Variants in RAD51B observed in about 807,000 individuals in gnomAD.
RAD51B encodes DNA repair protein RAD51 homolog 2.
In RAD51B, 38 loss-of-function variants were observed where a neutral mutation model predicts 42.2. The ratio of observed to expected loss-of-function variants is 0.90; its 90% CI spans 0.70 to 1.18. RAD51B has a LOEUF of 1.18. Ranked by LOEUF, RAD51B falls within the 50% of genes most tolerant of loss-of-function variation. RAD51B has a pLI of 0.00. For synonymous variants in RAD51B, 154 were observed against 145.2 expected, an observed-to-expected ratio of 1.06 and a Z score of -0.43; for missense variants, 373 against 400.7, an observed-to-expected ratio of 0.93 and a Z score of 0.59.
intron 9 of RAD51B, among the ~76,000 whole-genome samples, chr14:68,455,540 A>AC (rs2085662094): frequency 6.6e-6 from 1 of 151,812 alleles, no homozygotes; most frequent in Admixed American, 6.6e-5. Context: ...ACATGGTGAG[A>AC]CCCCATCTCT....
chr14:68,170,641 T>C (rs1022625705), intron 7 of RAD51B, among the ~76,000 whole-genome samples: 1 of 152,216 alleles, frequency 6.6e-6, no homozygotes, highest in South Asian at 2.1e-4. Flanking sequence ...TTATATTTTA[T>C]GGTTTTTATA....
At chr14:68,606,096 T>G (rs1015547068) in intron 10 of RAD51B, among the ~76,000 whole-genome samples, 3 of 152,186 alleles carry the variant, frequency 2.0e-5, no homozygotes, top group African/African-American at 7.2e-5. Flanking sequence ...GGAACTCTGG[T>G]GCACTTGGGC....
intron 10 of RAD51B, among the ~76,000 whole-genome samples, chr14:68,494,737 T>C (rs888182530): frequency 2.0e-5 from 3 of 152,140 alleles, no homozygotes; most frequent in Non-Finnish European, 2.9e-5. Flanking sequence ...CCTCGGACTA[T>C]AGCCTCCCAA....
Position 67,864,807 on chromosome 14 carries a change from C to T in RAD51B, c.316-196C>T, listed in dbSNP as rs1458500213. On this transcript the variant is annotated intron_variant, in intron 4 of 10. Transcript: ENST00000471583. ...TCCAAGGATGGTACATAACTAGTGCCAATTCAGATGCAGAGGGGAGAAGTT... is the reference window on the plus strand; with the variant it reads ...TCCAAGGATGGTACATAACTAGTGCTAATTCAGATGCAGAGGGGAGAAGTT... 3 of 872,582 alleles carry T rather than the reference C, an allele frequency of 3.4e-6. No homozygotes were observed. The Admixed American group carries it at 6.1e-5, about 18-fold the overall frequency. The allele number at this position is 872,582 out of a possible 1,614,324, so 54.1% of individuals were successfully genotyped here.
Position 67,964,670 on chromosome 14 carries a change from A to G in RAD51B, c.756+77466A>G, listed in dbSNP as rs114639736. 9.0e-4 allele frequency among the ~76,000 whole-genome samples: 137 copies of G among 151,560 alleles called. 1 individual carries two copies. Among genetic ancestry groups the G allele is most frequent in the Admixed American group, 5.6e-3 (85 of 15,202 alleles). On this transcript the variant is annotated intron_variant, in intron 7 of 10. Coordinates refer to ENST00000471583, the MANE Select transcript of RAD51B (RefSeq NM_133510.4). Reference sequence around the variant, plus strand: ...AAAATGGCTCTGATTATGTTTGACTATTGGGTGTGGCAGGTTTTAGAATGT... The same window carrying G: ...AAAATGGCTCTGATTATGTTTGACTGTTGGGTGTGGCAGGTTTTAGAATGT...
intron 10 of RAD51B, among the ~76,000 whole-genome samples, chr14:68,577,528 T>C (rs1412749497): frequency 2.6e-5 from 4 of 151,540 alleles, no homozygotes; most frequent in African/African-American, 9.7e-5. Flanking sequence ...AATGGAATCC[T>C]AGGCTGGTCA....
chr14:68,495,759 G>T (rs373137307), intron 10 of RAD51B, among the ~76,000 whole-genome samples: 2 of 152,248 alleles, frequency 1.3e-5, no homozygotes, highest in East Asian at 1.9e-4. Context: ...CTGAGGCCTT[G>T]ACTAGGTGGA....
At chr14:68,482,360 T>A (rs1418511193), downstream of RAD51B, among the ~76,000 whole-genome samples, 1 of 152,120 alleles carries the variant, frequency 6.6e-6, no homozygotes, top group African/African-American at 2.4e-5. Flanking sequence ...TTGAACTCTG[T>A]GCATAATGTC....
chr14:67,936,383 A>T (rs934975722), intron 7 of RAD51B, among the ~76,000 whole-genome samples: 1 of 152,228 alleles, frequency 6.6e-6, no homozygotes, highest in Admixed American at 6.5e-5. Flanking sequence ...TTCATATAGC[A>T]TAAAGTTTTC....
At chr14:67,985,944 G>A (rs924451040) in intron 7 of RAD51B, among the ~76,000 whole-genome samples, 14 of 151,924 alleles carry the variant, frequency 9.2e-5, no homozygotes, top group African/African-American at 3.4e-4. Context: ...ATAAAGAAAA[G>A]TAAAGGCCCT....
intron 7 of RAD51B, among the ~76,000 whole-genome samples, chr14:68,072,450 T>C (rs1271089868): frequency 6.6e-6 from 1 of 152,020 alleles, no homozygotes; most frequent in Non-Finnish European, 1.5e-5. Context: ...GAGAAAGATG[T>C]AGACTGGGAG....
At chr14:67,923,298 C>CTTTTTTTTTTTTTTTTTTTTT (rs34809964) in intron 7 of RAD51B, among the ~76,000 whole-genome samples, 3 of 123,656 alleles carry the variant, frequency 2.4e-5, no homozygotes, top group African/African-American at 6.5e-5. Flanking sequence ...TTTTCTTTTT[C>CTTTTTTTTTTTTTTTTTTTTT]TTTTTTTTTT....
intron 9 of RAD51B, among the ~76,000 whole-genome samples, chr14:68,425,999 CCTTCCTTCCTTTCTTT>C (rs1236357616): frequency 8.2e-6 from 1 of 122,060 alleles, no homozygotes; most frequent in African/African-American, 4.0e-5. Flanking sequence ...TTCCTTCCTT[CCTTCCTTCCTTTCTTT>C]CTTTCTTTCT....
At chr14:68,249,726 T>G (rs543731090) in intron 7 of RAD51B, among the ~76,000 whole-genome samples, 185 of 152,316 alleles carry the variant, frequency 1.2e-3, no homozygotes, top group African/African-American at 4.3e-3. Context: ...CACACAGCCC[T>G]GGTGACATGA....
chr14:68,004,548 T>G (rs1041973557), intron 7 of RAD51B, among the ~76,000 whole-genome samples: 1 of 152,082 alleles, frequency 6.6e-6, no homozygotes, highest in Non-Finnish European at 1.5e-5. Flanking sequence ...TTCCACATCC[T>G]CCATACTTGA....
intron 10 of RAD51B, among the ~76,000 whole-genome samples, chr14:68,491,074 C>T (rs1264661940): frequency 2.0e-5 from 3 of 152,176 alleles, no homozygotes; most frequent in Non-Finnish European, 4.4e-5. Context: ...TCCCTTTCTT[C>T]CTACATTTGG....
chr14:68,111,043 A>T (rs2077451743), intron 7 of RAD51B, among the ~76,000 whole-genome samples: 1 of 152,074 alleles, frequency 6.6e-6, no homozygotes, highest in African/African-American at 2.4e-5. Context: ...AATTTTTCTT[A>T]CAAGATTTTA....
intron 7 of RAD51B, among the ~76,000 whole-genome samples, chr14:68,289,044 A>G (rs1191878477): frequency 3.9e-5 from 6 of 152,204 alleles, no homozygotes. Context: ...TTTGCAATTA[A>G]ATAAAACTTA....
chr14:67,864,759 T>A, intron 4 of RAD51B: 1 of 638,396 alleles, frequency 1.6e-6, no homozygotes, highest in East Asian at 3.8e-5. Context: ...GTGGATGATT[T>A]GAGTGACTAT....
Sources: allele counts gnomAD v4.1 joint callset (sites outside exome capture counted in the v4.1 genomes callset), GRCh38; gene constraint gnomAD v4.1.1; transcripts MANE v1.5; gene names NCBI Gene and HGNC (gene_info 2026-07-23, HGNC 2026-07-21).